PLXNB3: variants seen among roughly 807,000 people sequenced by gnomAD.
PLXNB3 encodes the protein plexin B3.
Under a neutral mutation model 125.7 loss-of-function variants are expected in PLXNB3, and 80 were observed. That is an observed-to-expected ratio of 0.64 (90% CI 0.53 to 0.77). The LOEUF is 0.77. Ranked by LOEUF, PLXNB3 falls within the 30% of genes least tolerant of loss-of-function variation. PLXNB3 has a pLI of 0.00. For synonymous variants in PLXNB3, 954 were observed against 783.3 expected (o/e 1.22, Z -3.64); for missense variants, 1,836 against 1,729.3 (o/e 1.06, Z -1.09).
At position 153,768,260 on chromosome X, in the gene PLXNB3, G is replaced by A; in HGVS notation, c.1098G>A (p.Glu366=). The change falls in exon 4 of 36, where the codon GAG becomes GAA. Residue 366 remains glutamate, a synonymous_variant. Coordinates refer to ENST00000361971, the MANE Select transcript of PLXNB3 (RefSeq NM_005393.3). Reference sequence around the variant, plus strand: ...TTCCTGCCACGTAGGATTCCCCCGAGTCGTACCCCTGTGGCGACGAGCACA... The same window carrying A: ...TTCCTGCCACGTAGGATTCCCCCGAATCGTACCCCTGTGGCGACGAGCACA... ...RCVTLPLDSP[E]SYPCGDEHTP... is the part of the protein sequence containing the mutation. 1.7e-6 allele frequency: 2 copies of A among 1,190,964 alleles called. No individual in the cohort carries two copies. The highest frequency in any genetic ancestry group is 1.1e-6 in the Non-Finnish European group (1 of 880,406).
intron 16 of PLXNB3, 94 bp downstream of exon 16, chrX:153,772,381 C>T (rs782561190): frequency 6.4e-5 from 42 of 659,507 alleles, no homozygotes; most frequent in Non-Finnish European, 9.4e-5. Context: ...GCTGGGTCTG[C>T]GGGGAGCAGG....
intron 15 of PLXNB3, 54 bp from the exon 16 acceptor site, chrX:153,772,128 G>GAGAAAGTGCGCTC: frequency 8.8e-7 from 1 of 1,140,268 alleles, no homozygotes; most frequent in Non-Finnish European, 1.2e-6. Context: ...GGGAGGGGTG[G>GAGAAAGTGCGCTC]GCTGTCCCCT....
intron 2 of PLXNB3, chrX:153,766,540 G>A: frequency 9.6e-7 from 1 of 1,044,105 alleles, no homozygotes; most frequent in Middle Eastern, 3.2e-4. Flanking sequence ...CGCTCTTGCG[G>A]CTTTCCAGGA....
At position 153,769,132 on chromosome X, in the gene PLXNB3, C is replaced by T. The variant is rs150574350; in HGVS notation, c.1396-30C>T. The T allele has an allele frequency of 3.2e-3, 3,822 of 1,197,242 alleles. 70 individuals are homozygous for T. In the African/African-American group the frequency reaches 0.058, roughly 18 times the overall value. ...GCACACGCGGCCCAAGTCTCGTGCC[C>T]ATTGCCTCTCTGCTCTGCTGCCCCT... On this transcript the variant is annotated intron_variant, in intron 5 of 35. Transcript: ENST00000361971.
rs1485864065 is a variant in PLXNB3, at chrX:153,775,013, G to A, written c.4065G>A (p.Glu1355=). 30 of 1,207,777 alleles carry A rather than the reference G, an allele frequency of 2.5e-5. No homozygotes were observed. The highest frequency in any genetic ancestry group is 3.0e-5 in the Non-Finnish European group (27 of 893,402). ...HGGCPLQPKP[E]GPGEDGHCAT... is the part of the protein sequence containing the mutation. ...GTTGCCCGCTGCAGCCCAAGCCTGA[G>A]GGGCCAGGGGAGGACGGCCACTGTG... Residue 1355 remains glutamate (E), a synonymous_variant, in exon 24 of 36, where the codon GAG becomes GAA. Transcript: ENST00000361971.
At position 153,776,849 on chromosome X, in the gene PLXNB3, T is replaced by C. The variant is rs1322725846; in HGVS notation, c.4834-38T>C. 9 of 987,139 alleles carry C rather than the reference T, an allele frequency of 9.1e-6. No individual in the cohort carries two copies. In the African/African-American group the frequency reaches 1.1e-4, roughly 13 times the overall value. 81.4% of individuals were successfully genotyped at this position (987,139 alleles called of 1,213,427 possible). ...GATGTGGGCGGTGTAGGCGCCTGGC[T>C]AGGGGTCAGCACAGCCTCCGCTCCC... On this transcript the variant is annotated intron_variant, in intron 28 of 35. Coordinates refer to ENST00000361971, the MANE Select transcript of PLXNB3 (RefSeq NM_005393.3).
intron 2 of PLXNB3, chrX:153,765,814 A>G (rs2091851346): frequency 1.1e-5 from 8 of 752,098 alleles, no homozygotes; most frequent in South Asian, 1.4e-4. Flanking sequence ...CAGCGGCCCC[A>G]CTCCTGGTCG....
Position 153,776,013 on chromosome X carries a change from G to C in PLXNB3, c.4528G>C (p.Asp1510His), listed in dbSNP as rs1018547890. 1.7e-5 allele frequency: 20 copies of C among 1,206,244 alleles called. No individual in the cohort carries two copies. Among genetic ancestry groups the C allele is most frequent in the Non-Finnish European group, 2.1e-5 (19 of 893,384 alleles). ...GAATGATAGCCGCTTGCTGCGGGAG[G>C]ACGTGGAGTTCCAGCCCCTGACGCT... Reference protein sequence around the residue: ...TLNDSRLLREDVEFQPLTLMV... With the variant: ...TLNDSRLLREHVEFQPLTLMV... Residue 1510 changes from aspartate to histidine, a missense_variant, in exon 27 of 36, where the codon GAC (aspartate) becomes CAC (histidine). Physicochemically the swap from Asp to His is moderately conservative, Grantham distance 81. Transcript: ENST00000361971.
At position 153,773,719 on chromosome X, in the gene PLXNB3, C is replaced by A; in HGVS notation, c.3279+6C>A. 1 of 1,164,627 alleles carries A rather than the reference C, an allele frequency of 8.6e-7. No individual in the cohort carries two copies. Among genetic ancestry groups the A allele is most frequent in the South Asian group, 2.0e-5 (1 of 50,970 alleles). ...TCGGTGGGGGGCTGCTGCAGGTGAG[C>A]CCCTCACCAGCAGGCGACAAGGCTG... is the stretch of plus-strand genomic sequence containing the variant. On this transcript the variant is annotated splice_donor_region_variant and intron_variant, in intron 19 of 35. Coordinates refer to ENST00000361971, the MANE Select transcript of PLXNB3 (RefSeq NM_005393.3).
chrX:153,768,111 T>A lies in PLXNB3; in HGVS notation c.1087-138T>A, dbSNP rs2091879670. On this transcript the variant is annotated intron_variant, in intron 3 of 35. Coordinates refer to ENST00000361971, the MANE Select transcript of PLXNB3 (RefSeq NM_005393.3). ...GATGCTATGAGCTTGCCAGGTGCCC[T>A]GGCCCTTCGGCCCTGATTGCTGGGC... is the stretch of plus-strand genomic sequence containing the variant. 4.9e-6 allele frequency: 4 copies of A among 818,779 alleles called. No homozygotes were observed. The South Asian group carries it at 1.1e-4, about 22-fold the overall frequency. 67.5% of individuals were successfully genotyped at this position (818,779 alleles called of 1,213,427 possible).
At chrX:153,776,719 C>A (rs868982224) in intron 28 of PLXNB3, among the ~76,000 whole-genome samples, 168 bp from the exon 29 acceptor site, 1 of 28,439 alleles carries the variant, frequency 3.5e-5, no homozygotes, top group Non-Finnish European at 5.9e-5. Context: ...GGATGGGGGG[C>A]GGGGCGGGGC....
intron 2 of PLXNB3, chrX:153,766,067 A>G: frequency 9.5e-7 from 1 of 1,055,248 alleles, no homozygotes; most frequent in Non-Finnish European, 1.2e-6. Context: ...AGGCCCTGAG[A>G]GACCCAAACT....
At chrX:153,766,620 T>C (rs906280818) in intron 2 of PLXNB3, 1 of 1,062,784 alleles carries the variant, frequency 9.4e-7, no homozygotes, top group African/African-American at 1.9e-5. Flanking sequence ...TGTGTGCTTG[T>C]GCGTGCGTGC....
intron 4 of PLXNB3, 129 bp from the exon 5 acceptor site, chrX:153,768,819 C>A: frequency 1.3e-6 from 1 of 765,102 alleles, no homozygotes; most frequent in Non-Finnish European, 1.9e-6. Context: ...AGTGATGTGT[C>A]CTCCCTCGAT....
intron 1 of PLXNB3, among the ~76,000 whole-genome samples, chrX:153,764,537 C>T (rs992751228): frequency 1.8e-5 from 2 of 112,977 alleles, no homozygotes; most frequent in East Asian, 2.8e-4. Flanking sequence ...GGAAAGCCAA[C>T]GCCAGCCTCG....
rs1557064864 is a variant in PLXNB3 at position 153,777,515 on chromosome X, C to A, written c.5101-13C>A. The A allele has an allele frequency of 1.4e-5, 17 of 1,210,244 alleles. No individual in the cohort carries two copies. Among genetic ancestry groups the A allele is most frequent in the Non-Finnish European group, 1.9e-5 (17 of 894,601 alleles). ...CCCTGCCCTCCACACAGCCCTTATC[C>A]CCTGCCTCGCAGGGCACGCTGCAGA... On this transcript the variant is annotated splice_polypyrimidine_tract_variant and intron_variant, in intron 30 of 35. Transcript: ENST00000361971.
In PLXNB3 at chrX:153,767,278, G is replaced by C. The variant is rs782715395; in HGVS notation, c.451G>C (p.Val151Leu). ...ETRRLGDVAE[V>L]LYQAEDPGDG... ...ACGGCGCCTTGGGGATGTGGCCGAG[G>C]TGCTGTACCAGGCTGAGGACCCTGG... Residue 151 changes from valine (V) to leucine (L), a missense_variant, in exon 3 of 36, where the codon GTG (valine) becomes CTG (leucine). Val to Leu is a conservative substitution (Grantham distance 32). Coordinates refer to ENST00000361971, the MANE Select transcript of PLXNB3 (RefSeq NM_005393.3). The C allele has an allele frequency of 8.3e-7, 1 of 1,206,802 alleles. No homozygotes were observed. Among genetic ancestry groups the C allele is most frequent in the South Asian group, 1.8e-5 (1 of 56,241 alleles).
intron 14 of PLXNB3, 68 bp from the exon 15 acceptor site, chrX:153,771,796 G>A: frequency 8.6e-7 from 1 of 1,161,470 alleles, no homozygotes; most frequent in South Asian, 1.9e-5. Flanking sequence ...TGGCTGGCCG[G>A]GCACCCAGCA....
Position 153,771,553 on chromosome X carries a change from G to C in PLXNB3, c.2415G>C (p.Leu805=). 8.3e-7 allele frequency: 1 copy of C among 1,208,947 alleles called. No homozygotes were observed. The highest frequency in any genetic ancestry group is 1.1e-6 in the Non-Finnish European group (1 of 894,279). Residue 805 remains leucine, a synonymous_variant, in exon 14 of 36, where the codon CTG becomes CTC. Coordinates refer to ENST00000361971, the MANE Select transcript of PLXNB3 (RefSeq NM_005393.3). ...ACTGCCAAGCGGCCAACAGGAGCCTGGGCTGCCTGTGGTGTGCTGACGGCC... is the reference window on the plus strand; with the variant it reads ...ACTGCCAAGCGGCCAACAGGAGCCTCGGCTGCCTGTGGTGTGCTGACGGCC... ...CSHCQAANRS[L]GCLWCADGQP... is the part of the protein sequence containing the mutation.
Sources: gnomAD v4.1 joint callset for allele counts (sites outside exome capture counted in the v4.1 genomes callset) on GRCh38, gnomAD v4.1.1 for gene constraint, MANE v1.5 for transcripts, NCBI Gene and HGNC (gene_info 2026-07-23, HGNC 2026-07-21) for gene names.